Variants in RTN4RL1 observed in about 807,000 individuals in gnomAD.
RTN4RL1 encodes reticulon-4 receptor-like 1.
In RTN4RL1, 7 loss-of-function variants were observed where a neutral mutation model predicts 25.6. The ratio of observed to expected loss-of-function variants is 0.27; its 90% CI spans 0.16 to 0.51. The LOEUF is 0.51. RTN4RL1 is among the 20% of genes least tolerant of loss of function. RTN4RL1 has a pLI of 0.97. For synonymous variants in RTN4RL1, 297 were observed against 288.2 expected (o/e 1.03, Z -0.31); for missense variants, 500 against 615.6 (o/e 0.81, Z 1.99).
intron 1 of RTN4RL1, among the ~76,000 whole-genome samples, chr17:1,978,651 G>A (rs2066854162): frequency 6.6e-6 from 1 of 152,140 alleles, no homozygotes; most frequent in African/African-American, 2.4e-5. Flanking sequence ...GTGGAGGGTG[G>A]GCTGCTGTGC....
intron 1 of RTN4RL1, among the ~76,000 whole-genome samples, chr17:1,970,447 C>T (rs892613891): frequency 6.6e-6 from 1 of 152,184 alleles, no homozygotes; most frequent in African/African-American, 2.4e-5. Context: ...AGGCTTAGGA[C>T]CTGAACTGGC....
intron 1 of RTN4RL1, among the ~76,000 whole-genome samples, chr17:2,015,733 C>G (rs139050257): frequency 1.6e-4 from 24 of 152,182 alleles, no homozygotes; most frequent in Non-Finnish European, 3.2e-4. Context: ...AAGGAGTCTC[C>G]AAGTGTGGAC....
intron 1 of RTN4RL1, among the ~76,000 whole-genome samples, chr17:2,009,553 C>T (rs1468938408): frequency 1.7e-5 from 2 of 117,768 alleles, no homozygotes; most frequent in African/African-American, 6.7e-5. Context: ...GATCACGCCA[C>T]TGCACTCCAG....
chr17:2,003,792 C>T (rs8070911), intron 1 of RTN4RL1: 18,368 of 152,392 alleles, frequency 0.12, 1,307 homozygotes, highest in East Asian at 0.32. Context: ...GTGTCTTGGC[C>T]GGGCGCGGTG....
At chr17:1,984,121 G>A (rs1385198473) in intron 1 of RTN4RL1, among the ~76,000 whole-genome samples, 2 of 152,224 alleles carry the variant, frequency 1.3e-5, no homozygotes, top group African/African-American at 4.8e-5. Context: ...AGAGTCCAAA[G>A]AAATTCTTGA....
intron 1 of RTN4RL1, among the ~76,000 whole-genome samples, chr17:1,992,720 G>A (rs1414353540): frequency 6.6e-6 from 1 of 152,252 alleles, no homozygotes; most frequent in Non-Finnish European, 1.5e-5. Flanking sequence ...AGCTGAGACA[G>A]GCAGTTCCCA....
chr17:1,935,369 A>C lies in RTN4RL1; in HGVS notation c.*1127T>G, dbSNP rs1236662582. ...CCCTGAAGCCAACAGCTACGACAGC[A>C]GGGGTGACAGGGCGCTCCAGGGTGG... On this transcript the variant is annotated 3_prime_UTR_variant, in exon 2 of 2. Coordinates refer to ENST00000331238, the MANE Select transcript of RTN4RL1 (RefSeq NM_178568.4). The C allele has an allele frequency of 6.0e-6, 1 of 166,478 alleles. No individual in the cohort carries two copies. The highest frequency in any genetic ancestry group is 6.5e-5 in the Admixed American group (1 of 15,272). 10.3% of individuals were successfully genotyped at this position (166,478 alleles called of 1,614,324 possible).
intron 1 of RTN4RL1, among the ~76,000 whole-genome samples, chr17:1,986,570 C>A (rs1051673397): frequency 1.3e-5 from 2 of 152,028 alleles, no homozygotes; most frequent in African/African-American, 4.8e-5. Context: ...CACGTGAAGT[C>A]GGAGGCAGAG....
At chr17:1,982,484 G>A (rs891156155) in intron 1 of RTN4RL1, among the ~76,000 whole-genome samples, 5 of 151,734 alleles carry the variant, frequency 3.3e-5, no homozygotes, top group Non-Finnish European at 7.4e-5. Context: ...GCATGGTGGC[G>A]GGCGCCTGTA....
chr17:2,010,468 C>T (rs1455293027), intron 1 of RTN4RL1, among the ~76,000 whole-genome samples: 2 of 152,046 alleles, frequency 1.3e-5, no homozygotes, highest in African/African-American at 4.8e-5. Context: ...GCGAGCAAGA[C>T]TCTGTCTCAA....
At chr17:1,948,590 C>G (rs560915749) in intron 1 of RTN4RL1, among the ~76,000 whole-genome samples, 1 of 152,090 alleles carries the variant, frequency 6.6e-6, no homozygotes, top group Admixed American at 6.6e-5. Context: ...CGGACACAGG[C>G]GGACGGGCAG....
intron 1 of RTN4RL1, chr17:2,019,129 G>T (rs943834867): frequency 2.0e-5 from 3 of 152,088 alleles, no homozygotes; most frequent in Non-Finnish European, 4.4e-5. Context: ...GCCTTGGGGG[G>T]GGCCCTCACG....
intron 1 of RTN4RL1, among the ~76,000 whole-genome samples, chr17:1,938,411 T>G (rs1029989978): frequency 6.6e-6 from 1 of 151,906 alleles, no homozygotes; most frequent in Admixed American, 6.6e-5. Flanking sequence ...CAAGTGATTC[T>G]CTGCCTCAGC....
At chr17:1,945,903 A>G (rs1356979518) in intron 1 of RTN4RL1, among the ~76,000 whole-genome samples, 4 of 152,224 alleles carry the variant, frequency 2.6e-5, no homozygotes, top group Non-Finnish European at 5.9e-5. Context: ...GATGCTGCTC[A>G]GGAAGCCCTA....
At chr17:1,941,403 G>A (rs1361658754) in intron 1 of RTN4RL1, among the ~76,000 whole-genome samples, 1 of 152,126 alleles carries the variant, frequency 6.6e-6, no homozygotes, top group Non-Finnish European at 1.5e-5. Flanking sequence ...GAAGACCCAG[G>A]GCAGGAACCC....
rs568023180 is a variant in RTN4RL1 at position 1,939,342 on chromosome 17, A to G, written c.14-1534T>C. ...CACTCCAGCCTGGGCGACAGAGCGA[A>G]ACTCCGTCTCAATAAATAAATAAAT... is the stretch of plus-strand genomic sequence containing the variant. On this transcript the variant is annotated intron_variant, in intron 1 of 1. Transcript: ENST00000331238. Among the ~76,000 whole-genome samples, 822 of 149,268 alleles carry G rather than the reference A, an allele frequency of 5.5e-3. 4 individuals are homozygous for G. Among genetic ancestry groups the G allele is most frequent in the Middle Eastern group, 0.01 (3 of 294 alleles).
In RTN4RL1 at chr17:1,945,257, C is replaced by T. The variant is rs1357220281; in HGVS notation, c.14-7449G>A. ...TTTGTTTTCTGTGACAGAATCTCAC[C>T]TATCACCCAGGCTGGAGTGCAGTGG... On this transcript the variant is annotated intron_variant, in intron 1 of 1. Transcript: ENST00000331238. Among the ~76,000 whole-genome samples, 3 of 152,306 alleles carry T rather than the reference C, an allele frequency of 2.0e-5. No homozygotes were observed. In the East Asian group the frequency reaches 5.8e-4, roughly 29 times the overall value.
Position 1,937,609 on chromosome 17 carries a change from G to A in RTN4RL1, c.213C>T (p.Pro71=), listed in dbSNP as rs757441487. The change falls in exon 2 of 2, where the codon CCC becomes CCT. Residue 71 remains proline, a synonymous_variant. Coordinates refer to ENST00000331238, the MANE Select transcript of RTN4RL1 (RefSeq NM_178568.4). The stretch of plus-strand genomic sequence containing the variant: ...TGACCATGGCGGGGCTGAAGTGGCC[G>A]GGCTGGAGGAGGCCGATGCGGTTGT... ...LQNNRIGLLQ[P]GHFSPAMVTL... is the part of the protein sequence containing the mutation. The A allele has an allele frequency of 7.4e-6, 12 of 1,613,776 alleles. No homozygotes were observed. The highest frequency in any genetic ancestry group is 4.5e-5 in the East Asian group (2 of 44,894).
At chr17:2,022,323 A>T (rs575985975) in intron 1 of RTN4RL1, among the ~76,000 whole-genome samples, 145 of 151,084 alleles carry the variant, frequency 9.6e-4, no homozygotes, top group Middle Eastern at 3.4e-3. Flanking sequence ...CTCAAAAAAA[A>T]TTTTTTTTTG....
Sources: gnomAD v4.1 joint callset for allele counts (sites outside exome capture counted in the v4.1 genomes callset) on GRCh38, gnomAD v4.1.1 for gene constraint, MANE v1.5 for transcripts, NCBI Gene and HGNC (gene_info 2026-07-23, HGNC 2026-07-21) for gene names.